Variants in ATP2B4 observed in about 807,000 individuals in gnomAD.
ATP2B4 encodes ATPase plasma membrane Ca2+ transporting 4, also known as plasma membrane calcium-transporting ATPase 4.
Under a neutral mutation model 110.3 loss-of-function variants are expected in ATP2B4, and 39 were observed. That is an observed-to-expected ratio of 0.35 (90% CI 0.27 to 0.46). The LOEUF is 0.46. ATP2B4 is among the 20% of genes least tolerant of loss of function. ATP2B4 has a pLI of 1.00. For missense variants in ATP2B4, 1,135 were observed against 1,530.9 expected (o/e 0.74, Z 4.32); for synonymous variants, 538 against 571.7 (o/e 0.94, Z 0.84).
At chr1:203,731,954 G>A (rs549740251) in intron 20 of ATP2B4, among the ~76,000 whole-genome samples, 7 of 151,256 alleles carry the variant, frequency 4.6e-5, no homozygotes, top group East Asian at 3.9e-4. Context: ...CAAGACCGGC[G>A]GATCACGAGG....
chr1:203,725,951 C>T (rs1435080781), intron 19 of ATP2B4, among the ~76,000 whole-genome samples: 3 of 128,140 alleles, frequency 2.3e-5, no homozygotes, highest in East Asian at 2.2e-4. Context: ...TCAGGCCAGG[C>T]GCAGTGGCTC....
Position 203,711,976 on chromosome 1 carries a change from C to G in ATP2B4, c.2048C>G (p.Ala683Gly), listed in dbSNP as rs377436626. 56 of 1,613,982 alleles carry G rather than the reference C, an allele frequency of 3.5e-5. No individual in the cohort carries two copies. Among genetic ancestry groups the G allele is most frequent in the East Asian group, 2.7e-4 (12 of 44,894 alleles). Reference protein sequence around the residue: ...PVRPEVPDAIAKCKQAGITVR... With the variant: ...PVRPEVPDAIGKCKQAGITVR... ...TCTCCATAGGTGCCAGATGCTATTGCCAAATGCAAACAAGCTGGCATTACT... is the reference window on the plus strand; with the variant it reads ...TCTCCATAGGTGCCAGATGCTATTGGCAAATGCAAACAAGCTGGCATTACT... Residue 683 changes from alanine to glycine, a missense_variant, in exon 13 of 21, where the codon GCC (alanine) becomes GGC (glycine). Coordinates refer to ENST00000357681, the MANE Select transcript of ATP2B4 (RefSeq NM_001684.5).
At chr1:203,704,060 G>A (rs1665773823) in intron 8 of ATP2B4, among the ~76,000 whole-genome samples, 1 of 152,178 alleles carries the variant, frequency 6.6e-6, no homozygotes, top group Non-Finnish European at 1.5e-5. Flanking sequence ...CCAAATGAAT[G>A]AGAAACAAAG....
At chr1:203,727,765 G>C in intron 20 of ATP2B4, 194 bp downstream of exon 20, 1 of 642,716 alleles carries the variant, frequency 1.6e-6, no homozygotes, top group South Asian at 2.0e-5. Context: ...GAGGAGAGGA[G>C]TCAAATGACC....
chr1:203,732,157 CAA>C (rs567953858), intron 20 of ATP2B4, among the ~76,000 whole-genome samples: 47 of 48,040 alleles, frequency 9.8e-4, no homozygotes, highest in Admixed American at 1.2e-3. Flanking sequence ...GCCTGGGTGT[CAA>C]AAAAAAAAAA....
chr1:203,707,910 A>G lies in ATP2B4; in HGVS notation c.1363A>G (p.Thr455Ala). ...NLVRHLDACE[T>A]MGNATAICSD... ...AGTACGGCACTTGGATGCTTGTGAG[A>G]CCATGGGCAACGCCACCGCCATCTG... Residue 455 changes from threonine (T) to alanine (A), a missense_variant, in exon 10 of 21, where the codon ACC becomes GCC. Thr to Ala is a moderately conservative substitution (Grantham distance 58, BLOSUM62 0). Around this residue, in one of 9 missense-constraint regions of ATP2B4, gnomAD observed 368 missense variants for 455.9 expected, o/e 0.81. Coordinates refer to ENST00000357681, the MANE Select transcript of ATP2B4 (RefSeq NM_001684.5). 1 of 1,614,202 alleles carries G rather than the reference A, an allele frequency of 6.2e-7. No homozygotes were observed. Among genetic ancestry groups the G allele is most frequent in the Non-Finnish European group, 8.5e-7 (1 of 1,180,028 alleles).
rs267598314 is a variant in ATP2B4, at chr1:203,711,104, C to T, written c.2027C>T (p.Pro676Leu). ...GTGGGCATTGAGGACCCTGTGCGCC[C>T]AGAGGTGAGAGGGTGGGAAGCCACC... ...AVVGIEDPVR[P>L]EVPDAIAKCK... Residue 676 changes from proline to leucine, a missense_variant, in exon 12 of 21, where the codon CCA becomes CTA. Physicochemically the swap from Pro to Leu is moderately conservative, Grantham distance 98. Coordinates refer to ENST00000357681, the MANE Select transcript of ATP2B4 (RefSeq NM_001684.5). 1 of 1,614,064 alleles carries T rather than the reference C, an allele frequency of 6.2e-7. No individual in the cohort carries two copies. The highest frequency in any genetic ancestry group is 8.5e-7 in the Non-Finnish European group (1 of 1,179,968).
chr1:203,699,833 T>G (rs1217311797), intron 4 of ATP2B4, 116 bp downstream of exon 4: 1 of 1,488,670 alleles, frequency 6.7e-7, no homozygotes, highest in African/African-American at 1.4e-5. Context: ...GATCCAAAAT[T>G]GTATTCACTT....
intron 1 of ATP2B4, among the ~76,000 whole-genome samples, chr1:203,653,942 T>G (rs1664073247): frequency 6.7e-6 from 1 of 150,226 alleles, no homozygotes; most frequent in African/African-American, 2.4e-5. Context: ...GCTCATCTAT[T>G]TACAGCATGG....
Position 203,711,016 on chromosome 1 carries a change from G to A in ATP2B4, c.1939G>A (p.Asp647Asn). Residue 647 changes from aspartate to asparagine, a missense_variant, in exon 12 of 21, where the codon GAC becomes AAC. This residue lies in a region of ATP2B4 where 368 missense variants were observed against 455.9 expected (regional missense o/e 0.81). Coordinates refer to ENST00000357681, the MANE Select transcript of ATP2B4 (RefSeq NM_001684.5). ...CTGCATAGCTTACCGGGACTTCGATGACACAGAGCCCTCTTGGGACAATGA... is the reference window on the plus strand; with the variant it reads ...CTGCATAGCTTACCGGGACTTCGATAACACAGAGCCCTCTTGGGACAATGA... Reference protein sequence around the residue: ...TICIAYRDFDDTEPSWDNENE... With the variant: ...TICIAYRDFDNTEPSWDNENE... The A allele has an allele frequency of 6.2e-7, 1 of 1,614,104 alleles. No homozygotes were observed. The highest frequency in any genetic ancestry group is 8.5e-7 in the Non-Finnish European group (1 of 1,180,014).
Position 203,721,389 on chromosome 1 carries a change from A to G in ATP2B4, c.2791A>G (p.Ile931Val). 6.2e-7 allele frequency: 1 copy of G among 1,614,058 alleles called. No homozygotes were observed. The highest frequency in any genetic ancestry group is 1.7e-5 in the Admixed American group (1 of 60,000). ...CCATGCATTCTATCAGCTCATTGTC[A>G]TCTTTATCCTTGTCTTTGCGGGTGA... is the stretch of plus-strand genomic sequence containing the variant. Reference protein sequence around the residue: ...LGHAFYQLIVIFILVFAGEKF... With the variant: ...LGHAFYQLIVVFILVFAGEKF... The change falls in exon 17 of 21, where the codon ATC becomes GTC. Residue 931 changes from isoleucine to valine, a missense_variant. Around this residue, in one of 9 missense-constraint regions of ATP2B4, gnomAD observed 155 missense variants for 186.2 expected, o/e 0.83. Coordinates refer to ENST00000357681, the MANE Select transcript of ATP2B4 (RefSeq NM_001684.5).
Position 203,742,519 on chromosome 1 carries a change from G to C in ATP2B4, c.*2665G>C, listed in dbSNP as rs1203345355. 6.6e-6 allele frequency: 1 copy of C among 152,586 alleles called. No individual in the cohort carries two copies. Among genetic ancestry groups the C allele is most frequent in the Non-Finnish European group, 1.5e-5 (1 of 68,034 alleles). The allele number at this position is 152,586 out of a possible 1,614,324, so 9.5% of individuals were successfully genotyped here. ...TTTGGATTTGAAAAGGGTCTGATGG[G>C]GAGAAGGAGAACGTATCATCCTAGC... On this transcript the variant is annotated 3_prime_UTR_variant, in exon 21 of 21. Coordinates refer to ENST00000357681, the MANE Select transcript of ATP2B4 (RefSeq NM_001684.5).
At chr1:203,627,771 T>G (rs1314424098) in intron 1 of ATP2B4, among the ~76,000 whole-genome samples, 1 of 147,086 alleles carries the variant, frequency 6.8e-6, no homozygotes, top group African/African-American at 2.5e-5. Context: ...GGGGTGGAGG[T>G]GGGCTGGGAG....
At chr1:203,734,685 T>A (rs35992694) in intron 20 of ATP2B4, among the ~76,000 whole-genome samples, 5 of 143,410 alleles carry the variant, frequency 3.5e-5, no homozygotes, top group Non-Finnish European at 7.5e-5. Context: ...CAACCTGGGC[T>A]ACAGAGTGAG....
In ATP2B4 at chr1:203,727,439, G is replaced by A. The variant is rs148563148; in HGVS notation, c.3177G>A (p.Glu1059=). ...CCCGATCCCTGAAGTTCCTGAAGGA[G>A]GCTGGGCATGGCACCACCAAAGAGG... ...IPTRSLKFLK[E]AGHGTTKEEI... Residue 1059 remains glutamate, a synonymous_variant, in exon 20 of 21, where the codon GAG becomes GAA. Transcript: ENST00000357681. 6.2e-6 allele frequency: 10 copies of A among 1,614,112 alleles called. No individual in the cohort carries two copies. In the African/African-American group the frequency reaches 1.1e-4, roughly 17 times the overall value.
In ATP2B4 at chr1:203,722,532, C is replaced by T; in HGVS notation, c.2867C>T (p.Pro956Leu). The change falls in exon 18 of 21, where the codon CCC (proline) becomes CTC (leucine). Residue 956 changes from proline to leucine, a missense_variant. This residue lies in a region of ATP2B4 where 155 missense variants were observed against 186.2 expected (regional missense o/e 0.83). Coordinates refer to ENST00000357681, the MANE Select transcript of ATP2B4 (RefSeq NM_001684.5). ...SGRKAPLHSPPSQHYTIVFNT... is the reference protein window; with the variant it reads ...SGRKAPLHSPLSQHYTIVFNT... ...AGGAAGGCACCTCTACATTCACCAC[C>T]CAGCCAGCACTATACCATTGTTTTT... 6.2e-7 allele frequency: 1 copy of T among 1,614,148 alleles called. No homozygotes were observed. Among genetic ancestry groups the T allele is most frequent in the Non-Finnish European group, 8.5e-7 (1 of 1,180,008 alleles).
At position 203,733,503 on chromosome 1, in the gene ATP2B4, T is replaced by A. The variant is rs1046031903; in HGVS notation, c.3309+5932T>A. The A allele has an allele frequency of 4.9e-6, 6 of 1,233,376 alleles. No homozygotes were observed. In the African/African-American group the frequency reaches 9.2e-5, roughly 19 times the overall value. The allele number at this position is 1,233,376 out of a possible 1,614,324, so 76.4% of individuals were successfully genotyped here. On this transcript the variant is annotated intron_variant, in intron 20 of 20. Transcript: ENST00000357681. ...ATGGTTATCTTTTCCTTTTGGTTTT[T>A]CCCTTTGATATTTTGACTTAAGGGA...
chr1:203,655,421 G>A (rs188838033), intron 1 of ATP2B4, among the ~76,000 whole-genome samples: 59 of 152,152 alleles, frequency 3.9e-4, no homozygotes, highest in African/African-American at 1.3e-3. Context: ...CAAGGCAGGC[G>A]GATCACCTGA....
chr1:203,729,606 A>T, intron 20 of ATP2B4: 1 of 651,230 alleles, frequency 1.5e-6, no homozygotes, highest in Non-Finnish European at 2.7e-6. Context: ...ACCTGACTGT[A>T]CTTCCAGGCA....
Sources: allele counts gnomAD v4.1 joint callset (sites outside exome capture counted in the v4.1 genomes callset), GRCh38; gene constraint gnomAD v4.1.1; regional missense constraint gnomAD v4.1.1; transcripts MANE v1.5; gene names NCBI Gene and HGNC (gene_info 2026-07-23, HGNC 2026-07-21).